The following ADGRL3 variants were observed in gnomAD, a reference collection of about 807,000 sequenced individuals.
ADGRL3 encodes the protein adhesion G protein-coupled receptor L3, also known as calcium-independent alpha-latrotoxin receptor 3.
In ADGRL3, 62 loss-of-function variants were observed where a neutral mutation model predicts 153.5. The ratio of observed to expected loss-of-function variants is 0.40; its 90% CI spans 0.33 to 0.50. The LOEUF is 0.50. Ranked by LOEUF, ADGRL3 falls within the 20% of genes least tolerant of loss-of-function variation. ADGRL3 has a pLI of 0.47. For missense variants in ADGRL3, 1,641 were observed against 1,859.4 expected (o/e 0.88, Z 2.16); for synonymous variants, 710 against 672.5 (o/e 1.06, Z -0.86).
chr4:61,482,700 T>C (rs1280008459), intron 2 of ADGRL3, among the ~76,000 whole-genome samples: 4 of 152,164 alleles, frequency 2.6e-5, no homozygotes, highest in Non-Finnish European at 5.9e-5. Context: ...CATTAAACCA[T>C]TTTAGGAAAT....
intron 19 of ADGRL3, among the ~76,000 whole-genome samples, chr4:61,986,015 T>C (rs1038382970): frequency 2.6e-5 from 4 of 151,538 alleles, no homozygotes; most frequent in Non-Finnish European, 5.9e-5. Flanking sequence ...ATAACATCTT[T>C]GATATATTCA....
Position 61,247,900 on chromosome 4 carries a change from A to G in ADGRL3, c.-240+46135A>G, listed in dbSNP as rs530182362. ...GTAACCAAGGAAGTTATCCTGTGAT[A>G]TGTTTCCTTGCTCGTAGAGTTAATA... On this transcript the variant is annotated intron_variant, in intron 1 of 26. Transcript: ENST00000683033. 6.6e-5 allele frequency among the ~76,000 whole-genome samples: 10 copies of G among 152,220 alleles called. No individual in the cohort carries two copies. The South Asian group carries it at 1.0e-3, about 16-fold the overall frequency.
intron 8 of ADGRL3, among the ~76,000 whole-genome samples, chr4:61,813,562 A>G (rs1216335132): frequency 6.6e-6 from 1 of 152,120 alleles, no homozygotes; most frequent in Non-Finnish European, 1.5e-5. Flanking sequence ...TTATCACTCC[A>G]TAACAAATTT....
At chr4:61,698,469 C>A (rs1310216243) in intron 6 of ADGRL3, among the ~76,000 whole-genome samples, 4 of 151,602 alleles carry the variant, frequency 2.6e-5, no homozygotes, top group African/African-American at 9.7e-5. Flanking sequence ...ACAACAACAA[C>A]AACAACAACA....
chr4:61,673,901 A>G (rs2095092903), intron 5 of ADGRL3, among the ~76,000 whole-genome samples: 2 of 151,070 alleles, frequency 1.3e-5, no homozygotes, highest in Admixed American at 1.3e-4. Context: ...CAATGATGAT[A>G]ATAACTATAA....
chr4:61,968,968 A>G (rs2099016657), intron 17 of ADGRL3, among the ~76,000 whole-genome samples: 1 of 152,164 alleles, frequency 6.6e-6, no homozygotes, highest in Non-Finnish European at 1.5e-5. Context: ...ACTCCATTTT[A>G]GAATTCAAAA....
At chr4:61,696,920 G>T (rs1203146508) in intron 6 of ADGRL3, among the ~76,000 whole-genome samples, 6 of 151,898 alleles carry the variant, frequency 4.0e-5, no homozygotes, top group Non-Finnish European at 7.4e-5. Flanking sequence ...CAAGTGATCT[G>T]CCAGCCTCAG....
chr4:61,295,496 ATT>A (rs2150237706), intron 1 of ADGRL3, among the ~76,000 whole-genome samples: 1 of 152,268 alleles, frequency 6.6e-6, no homozygotes, highest in East Asian at 1.9e-4. Context: ...TGTATATATA[ATT>A]AATAAAATAG....
chr4:61,227,543 C>T (rs1309888810), intron 1 of ADGRL3, among the ~76,000 whole-genome samples: 2 of 152,116 alleles, frequency 1.3e-5, no homozygotes, highest in African/African-American at 4.8e-5. Context: ...TATCTCTGAT[C>T]TCTGAGAGTT....
chr4:61,571,670 A>G (rs989349700), intron 4 of ADGRL3, among the ~76,000 whole-genome samples: 3 of 152,140 alleles, frequency 2.0e-5, no homozygotes, highest in African/African-American at 4.8e-5. Context: ...ATGATTTTCT[A>G]TATTTCTCAT....
chr4:61,874,870 G>A (rs1351695406), intron 9 of ADGRL3, among the ~76,000 whole-genome samples: 2 of 135,150 alleles, frequency 1.5e-5, no homozygotes, highest in East Asian at 2.6e-4. Flanking sequence ...CTGCAGTGGC[G>A]CAATCTCGGC....
chr4:61,876,649 G>A (rs963455023), intron 9 of ADGRL3, among the ~76,000 whole-genome samples: 4 of 151,742 alleles, frequency 2.6e-5, no homozygotes, highest in Non-Finnish European at 2.9e-5. Flanking sequence ...GAAGAGAGTA[G>A]AGAGTATGAG....
chr4:61,528,582 T>A (rs2098591403), intron 4 of ADGRL3, among the ~76,000 whole-genome samples: 1 of 152,016 alleles, frequency 6.6e-6, no homozygotes, highest in African/African-American at 2.4e-5. Flanking sequence ...CCATACTGAG[T>A]AAGCTCTAGT....
intron 23 of ADGRL3, 64 bp from the exon 24 acceptor site, chr4:62,037,667 G>A: frequency 1.9e-6 from 3 of 1,556,088 alleles, no homozygotes; most frequent in Non-Finnish European, 2.7e-6. Context: ...CACATACATT[G>A]TCTACTTTTG....
chr4:62,013,335 G>GACCAACATGGTCTC (rs1468642055), intron 21 of ADGRL3, among the ~76,000 whole-genome samples: 2 of 151,822 alleles, frequency 1.3e-5, no homozygotes, highest in African/African-American at 4.8e-5. Flanking sequence ...AGGAGTTCAA[G>GACCAACATGGTCTC]ACCAACATGG....
At chr4:61,970,161 G>A (rs141534793) in intron 17 of ADGRL3, among the ~76,000 whole-genome samples, 54 of 152,136 alleles carry the variant, frequency 3.5e-4, no homozygotes, top group Non-Finnish European at 6.6e-4. Flanking sequence ...ACATCACAGT[G>A]TTTTATAGAA....
At chr4:61,732,218 G>A (rs532151907) in intron 7 of ADGRL3, among the ~76,000 whole-genome samples, 5 of 151,944 alleles carry the variant, frequency 3.3e-5, no homozygotes, top group South Asian at 4.2e-4. Context: ...TTGTAGCAAC[G>A]TTGAGAGCTT....
chr4:62,048,451 C>T (rs1372604576), intron 25 of ADGRL3, among the ~76,000 whole-genome samples: 16 of 151,714 alleles, frequency 1.1e-4, no homozygotes, highest in African/African-American at 2.7e-4. Context: ...TTAGTAGAGA[C>T]GGGGTTTCAT....
At chr4:61,311,840 A>C (rs937014886) in intron 1 of ADGRL3, among the ~76,000 whole-genome samples, 5 of 152,208 alleles carry the variant, frequency 3.3e-5, no homozygotes, top group African/African-American at 1.2e-4. Flanking sequence ...GTCCAGACCC[A>C]TATATATTTG....
Sources: allele counts gnomAD v4.1 joint callset (sites outside exome capture counted in the v4.1 genomes callset), GRCh38; gene constraint gnomAD v4.1.1; transcripts MANE v1.5; gene names NCBI Gene and HGNC (gene_info 2026-07-23, HGNC 2026-07-21).